Variants in MYO9B observed in about 807,000 individuals in gnomAD.
The protein encoded by MYO9B is myosin IXB.
In MYO9B, 71 loss-of-function variants were observed where a neutral mutation model predicts 229.5. That is an observed-to-expected ratio of 0.31 (90% CI 0.26 to 0.38). MYO9B has a LOEUF of 0.38. MYO9B is among the 10% of genes least tolerant of loss of function. The probability of loss-of-function intolerance (pLI) is 1.00; values close to 1 mark genes in which losing one functional copy is unlikely to be tolerated. For missense variants in MYO9B, 2,255 were observed against 2,920.5 expected (o/e 0.77, Z 5.25); for synonymous variants, 1,185 against 1,235.8 (o/e 0.96, Z 0.86).
intron 1 of MYO9B, among the ~76,000 whole-genome samples, chr19:17,084,709 CAAAAAAA>C (rs903470342): frequency 2.5e-4 from 20 of 81,274 alleles, no homozygotes; most frequent in African/African-American, 6.5e-4. Flanking sequence ...ACTAAAAATA[CAAAAAAA>C]AAAAAAAAGA....
At chr19:17,177,643 C>G (rs1336020070) in intron 14 of MYO9B, 4 of 151,886 alleles carry the variant, frequency 2.6e-5, no homozygotes, top group Non-Finnish European at 2.9e-5. Context: ...ACACCCAGTC[C>G]TCTTTTTTTT....
At chr19:17,186,131 G>A (rs1378571150) in intron 18 of MYO9B, 130 bp downstream of exon 18, 28 of 740,716 alleles carry the variant, frequency 3.8e-5, no homozygotes, top group East Asian at 8.1e-5. Context: ...AGAGGCAGCC[G>A]GGGATGGAGA....
chr19:17,195,548 A>T lies in MYO9B; in HGVS notation c.4046+75A>T. 6.6e-7 allele frequency: 1 copy of T among 1,507,408 alleles called. No homozygotes were observed. Among genetic ancestry groups the T allele is most frequent in the Non-Finnish European group, 8.9e-7 (1 of 1,124,230 alleles). The allele number at this position is 1,507,408 out of a possible 1,614,324, so 93.4% of individuals were successfully genotyped here. ...GGCAAGGCCAGGGGCAGTGCCACAC[A>T]TCCTGGAAACACATGTGTAATCATG... On this transcript the variant is annotated intron_variant, in intron 22 of 39. Transcript: ENST00000682292. This position sits in a 1 kb window ranked among gnomAD's most constrained non-coding sequence, Gnocchi z 4.5.
intron 1 of MYO9B, among the ~76,000 whole-genome samples, chr19:17,098,057 C>T (rs1007845688): frequency 1.1e-5 from 1 of 92,402 alleles, no homozygotes; most frequent in Non-Finnish European, 2.4e-5. Flanking sequence ...CCCCCCCCCC[C>T]ACCTTTTTTT....
At chr19:17,144,969 CAA>C (rs58527501) in intron 2 of MYO9B, among the ~76,000 whole-genome samples, 14 of 83,584 alleles carry the variant, frequency 1.7e-4, no homozygotes, top group African/African-American at 2.9e-4. Flanking sequence ...GACTTCATCT[CAA>C]AAAAAAAAAA....
chr19:17,192,612 A>G, intron 20 of MYO9B, 134 bp from the exon 21 acceptor site: 1 of 558,490 alleles, frequency 1.8e-6, no homozygotes, highest in Non-Finnish European at 2.8e-6. Context: ...TAATAAATAA[A>G]TAAATAAATA....
At chr19:17,076,890 C>G (rs2123406925) in intron 1 of MYO9B, among the ~76,000 whole-genome samples, 1 of 152,300 alleles carries the variant, frequency 6.6e-6, no homozygotes, top group South Asian at 2.1e-4. Context: ...TACAGGAAAT[C>G]TGTCCCCCGG....
intron 7 of MYO9B, among the ~76,000 whole-genome samples, chr19:17,159,069 C>T (rs1375277832): frequency 1.3e-5 from 2 of 152,102 alleles, no homozygotes; most frequent in African/African-American, 4.8e-5. Context: ...TGACGGGTGC[C>T]TGTAATCCCA....
intron 1 of MYO9B, among the ~76,000 whole-genome samples, chr19:17,090,067 A>T (rs115524256): frequency 2.2e-5 from 3 of 136,370 alleles, no homozygotes; most frequent in Non-Finnish European, 4.6e-5. Context: ...CTCACTCAGC[A>T]TCATGTTTTT....
At chr19:17,116,579 G>A (rs1227309656) in intron 2 of MYO9B, among the ~76,000 whole-genome samples, 1 of 152,176 alleles carries the variant, frequency 6.6e-6, no homozygotes, top group Admixed American at 6.5e-5. Context: ...CAGCCCTGGT[G>A]CCTTTTCCCC....
chr19:17,153,589 AGGAGGCCGAGCTG>A (rs1256583871), intron 4 of MYO9B, among the ~76,000 whole-genome samples: 2 of 151,258 alleles, frequency 1.3e-5, no homozygotes, highest in African/African-American at 4.9e-5. Context: ...CCAGCTACTC[AGGAGGCCGAGCTG>A]GGAGGATCAC....
intron 1 of MYO9B, among the ~76,000 whole-genome samples, chr19:17,093,687 G>A (rs961593795): frequency 1.2e-4 from 7 of 60,126 alleles, no homozygotes; most frequent in African/African-American, 4.8e-4. Flanking sequence ...GTTTTTTTGC[G>A]GGGGGTGGGG....
chr19:17,201,062 C>T (rs1249475455), intron 26 of MYO9B, among the ~76,000 whole-genome samples: 1 of 152,152 alleles, frequency 6.6e-6, no homozygotes, highest in Non-Finnish European at 1.5e-5. Context: ...AACAGAGAGA[C>T]CCCATCTCTA....
chr19:17,093,887 A>ATTTATTTT (rs2057663368), intron 1 of MYO9B, among the ~76,000 whole-genome samples: 1 of 149,604 alleles, frequency 6.7e-6, no homozygotes, highest in African/African-American at 2.5e-5. Context: ...TTATTTATTT[A>ATTTATTTT]TTTATTTACT....
chr19:17,181,805 C>T (rs1035805244), intron 15 of MYO9B, among the ~76,000 whole-genome samples: 4 of 152,080 alleles, frequency 2.6e-5, no homozygotes, highest in African/African-American at 9.7e-5. Flanking sequence ...GACGGAGTTT[C>T]ACTCTTGTTG....
intron 2 of MYO9B, among the ~76,000 whole-genome samples, chr19:17,126,911 A>G (rs1037496002): frequency 3.1e-5 from 1 of 31,846 alleles, no homozygotes; most frequent in Middle Eastern, 0.017. Flanking sequence ...ATCCACCCCC[A>G]CCCCCACCCC....
intron 37 of MYO9B, 29 bp from the exon 38 acceptor site, chr19:17,210,686 C>A: frequency 6.6e-7 from 1 of 1,512,274 alleles, no homozygotes; most frequent in Non-Finnish European, 8.9e-7. Context: ...TCAGAGATGT[C>A]AGTGGGACCC....
Position 17,102,293 on chromosome 19 carries a change from G to T in MYO9B, c.576G>T (p.Leu192=). The T allele has an allele frequency of 6.2e-7, 1 of 1,614,026 alleles. No homozygotes were observed. The highest frequency in any genetic ancestry group is 1.1e-5 in the South Asian group (1 of 91,086). ...TGGCCATCAACCCCTTTAAGTTCCT[G>T]CCCATCTACAACCCCAAGTACGTGA... ...ILVAINPFKF[L]PIYNPKYVKM... is the part of the protein sequence containing the mutation. Residue 192 remains leucine (L), a synonymous_variant, in exon 2 of 40, where the codon CTG becomes CTT. Coordinates refer to ENST00000682292, the MANE Select transcript of MYO9B (RefSeq NM_004145.4).
chr19:17,095,451 T>TA (rs1166936314), intron 1 of MYO9B: 1 of 152,304 alleles, frequency 6.6e-6, no homozygotes, highest in Non-Finnish European at 1.5e-5. Flanking sequence ...AATGGAATCA[T>TA]ACACCATGTG....
Sources: gnomAD v4.1 joint callset for allele counts (sites outside exome capture counted in the v4.1 genomes callset) on GRCh38, gnomAD v4.1.1 for gene constraint, Gnocchi (gnomAD v3.1) non-coding constraint, MANE v1.5 for transcripts, NCBI Gene and HGNC (gene_info 2026-07-23, HGNC 2026-07-21) for gene names.